FGR: variants seen among roughly 807,000 people sequenced by gnomAD.
FGR encodes tyrosine-protein kinase Fgr.
In FGR, 26 loss-of-function variants were observed where a neutral mutation model predicts 63.2. That is an observed-to-expected ratio of 0.41 (90% CI 0.30 to 0.57). The LOEUF is 0.57. FGR is among the 20% of genes least tolerant of loss of function. FGR has a pLI of 0.27. For synonymous variants in FGR, 286 were observed against 277.7 expected (o/e 1.03, Z -0.30); for missense variants, 511 against 690.8 (o/e 0.74, Z 2.92).
intron 1 of FGR, among the ~76,000 whole-genome samples, chr1:27,627,282 C>G (rs544489844): frequency 6.6e-6 from 1 of 152,244 alleles, no homozygotes; most frequent in South Asian, 2.1e-4. Context: ...ATCCACACAG[C>G]CCTTCAGACC....
At chr1:27,620,000 T>C (rs899409285) in intron 5 of FGR, among the ~76,000 whole-genome samples, 7 of 152,098 alleles carry the variant, frequency 4.6e-5, no homozygotes, top group Non-Finnish European at 8.8e-5. Context: ...CTCAGTTTCC[T>C]CATCTGTAAA....
chr1:27,627,160 A>G (rs2090034609), intron 1 of FGR, among the ~76,000 whole-genome samples: 1 of 152,042 alleles, frequency 6.6e-6, no homozygotes, highest in Admixed American at 6.6e-5. Context: ...AGACAGAGTA[A>G]GACCCTGTCT....
intron 1 of FGR, among the ~76,000 whole-genome samples, chr1:27,628,476 C>T (rs755243546): frequency 5.9e-5 from 9 of 151,276 alleles, no homozygotes; most frequent in Non-Finnish European, 1.0e-4. Context: ...TGCACAAATG[C>T]GGATGCCCCC....
intron 5 of FGR, among the ~76,000 whole-genome samples, chr1:27,620,333 G>C (rs2089898055): frequency 6.6e-6 from 1 of 151,970 alleles, no homozygotes; most frequent in African/African-American, 2.4e-5. Flanking sequence ...TAATATCAAG[G>C]CCAGGCATGG....
chr1:27,631,734 A>G (rs12726763), intron 1 of FGR, among the ~76,000 whole-genome samples: 19,630 of 152,134 alleles, frequency 0.13, 1,991 homozygotes, highest in African/African-American at 0.28. Context: ...GAGGGTACAG[A>G]ACTGGGCAGG....
chr1:27,623,216 C>T (rs1258174984), intron 3 of FGR, 72 bp from the exon 4 acceptor site: 1 of 1,153,952 alleles, frequency 8.7e-7, no homozygotes, highest in Non-Finnish European at 1.3e-6. Context: ...CCCCAAATTC[C>T]TGTTCCCCAG....
At chr1:27,613,485 T>C (rs1038312517) in intron 11 of FGR, 135 bp from the exon 12 acceptor site, 2 of 926,572 alleles carry the variant, frequency 2.2e-6, no homozygotes, top group East Asian at 2.8e-5. Context: ...GGCGGATCAC[T>C]TGAGGTCAGG....
intron 4 of FGR, among the ~76,000 whole-genome samples, chr1:27,622,706 A>C (rs952788921): frequency 6.6e-6 from 1 of 152,136 alleles, no homozygotes; most frequent in African/African-American, 2.4e-5. Flanking sequence ...GGGTTTCACC[A>C]TGTTGGCCAG....
At chr1:27,634,444 G>C (rs1557743494) in intron 1 of FGR, among the ~76,000 whole-genome samples, 1 of 152,118 alleles carries the variant, frequency 6.6e-6, no homozygotes, top group Non-Finnish European at 1.5e-5. Flanking sequence ...AGAGGGTCGC[G>C]GGGCCGCGGT....
Position 27,627,601 on chromosome 1 carries a change from T to G in FGR, c.-76-2450A>C, listed in dbSNP as rs549149956. ...ACACAACCCTATGATTTAAGTAGTA[T>G]TATTATTATTAATTTATTTATTTTG... On this transcript the variant is annotated intron_variant, in intron 1 of 12. Transcript: ENST00000374005. 2.2e-4 allele frequency among the ~76,000 whole-genome samples: 34 copies of G among 152,122 alleles called. 1 individual carries two copies. The highest frequency in any genetic ancestry group is 4.3e-4 in the Non-Finnish European group (29 of 68,012).
intron 1 of FGR, among the ~76,000 whole-genome samples, chr1:27,632,745 CG>C (rs796178982): frequency 6.9e-6 from 1 of 144,874 alleles, no homozygotes; most frequent in African/African-American, 2.6e-5. Flanking sequence ...GCCATGGCGG[CG>C]GGGGGCGGGG....
At chr1:27,618,935 C>A (rs2089867280) in intron 5 of FGR, among the ~76,000 whole-genome samples, 1 of 152,214 alleles carries the variant, frequency 6.6e-6, no homozygotes, top group Non-Finnish European at 1.5e-5. Context: ...GCCTCCCACC[C>A]TCACACAGAG....
intron 4 of FGR, 54 bp downstream of exon 4, chr1:27,622,988 T>C: frequency 7.7e-7 from 1 of 1,294,888 alleles, no homozygotes; most frequent in Admixed American, 1.7e-5. Flanking sequence ...GATTCCTGTC[T>C]GTGTCCTGCT....
intron 1 of FGR, among the ~76,000 whole-genome samples, chr1:27,634,488 C>A (rs1311834192): frequency 4.6e-5 from 7 of 152,210 alleles, no homozygotes; most frequent in Non-Finnish European, 8.8e-5. Flanking sequence ...GGGCTGTGGG[C>A]TTCACCCCGA....
intron 1 of FGR, among the ~76,000 whole-genome samples, chr1:27,632,384 C>T (rs1177905311): frequency 6.6e-6 from 1 of 152,050 alleles, no homozygotes; most frequent in Non-Finnish European, 1.5e-5. Flanking sequence ...GTGATCCACC[C>T]ACCTCGGCCT....
intron 1 of FGR, among the ~76,000 whole-genome samples, chr1:27,628,291 T>C (rs1040565558): frequency 6.6e-6 from 1 of 151,724 alleles, no homozygotes; most frequent in African/African-American, 2.4e-5. Context: ...GAGGCTGCAG[T>C]GAGCTATGAT....
rs1180212644 is a variant in FGR at position 27,616,263 on chromosome 1, T to C, written c.683-419A>G. On this transcript the variant is annotated intron_variant, in intron 7 of 12. Transcript: ENST00000374005. This position sits in a 1 kb window ranked among gnomAD's most constrained non-coding sequence, Gnocchi z 4.3. ...GAAACGTGGGCATTGACTCCTGCCT[T>C]CCCTTCACCCCCACAGCCAATTCTC... is the stretch of plus-strand genomic sequence containing the variant. Among the ~76,000 whole-genome samples the C allele has an allele frequency of 1.3e-5, 2 of 152,104 alleles. No homozygotes were observed. Among genetic ancestry groups the C allele is most frequent in the African/African-American group, 4.8e-5 (2 of 41,404 alleles).
In FGR at chr1:27,614,502, G is replaced by T. The variant is rs746418519; in HGVS notation, c.1177C>A (p.Arg393=). 1.2e-6 allele frequency: 2 copies of T among 1,613,888 alleles called. No individual in the cohort carries two copies. The highest frequency in any genetic ancestry group is 2.2e-5 in the East Asian group (1 of 44,884). Residue 393 remains arginine, a synonymous_variant, in exon 11 of 13, where the codon CGG becomes AGG. Coordinates refer to ENST00000374005, the MANE Select transcript of FGR (RefSeq NM_005248.3). ...LRAANILVGE[R]LACKIADFGL... is the part of the protein sequence containing the mutation. ...AAGTCTGCGATCTTGCACGCCAGCC[G>T]CTCCCCAACCAGGATGTTGGCTGCC...
In FGR at chr1:27,614,564, T is replaced by C. The variant is rs767580735; in HGVS notation, c.1115A>G (p.Tyr372Cys). 3 of 1,614,076 alleles carry C rather than the reference T, an allele frequency of 1.9e-6. No homozygotes were observed. The South Asian group carries it at 3.3e-5, about 18-fold the overall frequency. The change falls in exon 11 of 13, where the codon TAC (tyrosine) becomes TGC (cysteine). Residue 372 changes from tyrosine to cysteine, a missense_variant. Tyr to Cys is a radical substitution (Grantham distance 194, BLOSUM62 -2). Transcript: ENST00000374005. Reference protein sequence around the residue: ...MAAQVAEGMAYMERMNYIHRD... With the variant: ...MAAQVAEGMACMERMNYIHRD... ...GTGAATGTAGTTCATGCGTTCCATG[T>C]AGGCCATGCCCTCAGCTACCTGGGG... is the stretch of plus-strand genomic sequence containing the variant.
Sources: gnomAD v4.1 joint callset for allele counts (sites outside exome capture counted in the v4.1 genomes callset) on GRCh38, gnomAD v4.1.1 for gene constraint, Gnocchi (gnomAD v3.1) non-coding constraint, MANE v1.5 for transcripts, NCBI Gene and HGNC (gene_info 2026-07-23, HGNC 2026-07-21) for gene names.